NOL4: variants seen among roughly 807,000 people sequenced by gnomAD.
NOL4 encodes the protein cancer/testis antigen 125.
In NOL4, 17 loss-of-function variants were observed where a neutral mutation model predicts 75.9. The ratio of observed to expected loss-of-function variants is 0.22; its 90% CI spans 0.15 to 0.34. The LOEUF (loss-of-function observed/expected upper bound fraction) is 0.34. NOL4 is among the 10% of genes least tolerant of loss of function. NOL4 has a pLI of 1.00. For missense variants in NOL4, 614 were observed against 793.5 expected, an observed-to-expected ratio of 0.77 and a Z score of 2.72; for synonymous variants, 292 against 289.9, an observed-to-expected ratio of 1.01 and a Z score of -0.07.
chr18:34,210,193 A>T (rs1376873972), intron 1 of NOL4, among the ~76,000 whole-genome samples: 2 of 152,212 alleles, frequency 1.3e-5, no homozygotes, highest in Non-Finnish European at 2.9e-5. Flanking sequence ...TTTAAGTATG[A>T]GTCATTAAGC....
intron 1 of NOL4, among the ~76,000 whole-genome samples, chr18:34,141,130 A>C (rs543142983): frequency 1.3e-5 from 2 of 151,596 alleles, no homozygotes; most frequent in Non-Finnish European, 2.9e-5. Context: ...TTACAAGGGA[A>C]GTGAAGGACC....
Position 33,874,863 on chromosome 18 carries a change from T to C in NOL4, c.1723+8381A>G, listed in dbSNP as rs1265999746. 2.0e-5 allele frequency among the ~76,000 whole-genome samples: 3 copies of C among 152,110 alleles called. No individual in the cohort carries two copies. The East Asian group carries it at 5.8e-4, about 29-fold the overall frequency. On this transcript the variant is annotated intron_variant, in intron 10 of 10. Transcript: ENST00000261592. ...TGATGGTGAATCTTATGGCCAAGTTTCCTTAGGCTCATAACTAAAGGACCT... is the reference window on the plus strand; with the variant it reads ...TGATGGTGAATCTTATGGCCAAGTTCCCTTAGGCTCATAACTAAAGGACCT...
At chr18:34,043,231 T>C (rs2076215145) in intron 5 of NOL4, among the ~76,000 whole-genome samples, 1 of 152,102 alleles carries the variant, frequency 6.6e-6, no homozygotes, top group Non-Finnish European at 1.5e-5. Flanking sequence ...TAAATGCTCA[T>C]TGAATGAATG....
intron 5 of NOL4, among the ~76,000 whole-genome samples, chr18:34,083,315 T>C (rs538154917): frequency 3.8e-4 from 58 of 152,302 alleles, no homozygotes; most frequent in African/African-American, 1.3e-3. Flanking sequence ...CAACTCTGAA[T>C]GACTCTCGCA....
Position 34,063,029 on chromosome 18 carries a change from C to A in NOL4, c.772+30436G>T, listed in dbSNP as rs534496197. On this transcript the variant is annotated intron_variant, in intron 5 of 10. Transcript: ENST00000261592. ...ATTGTCTTTTCTATTAGCATTGAACCCTTGCTTCTGAAAAGGTAGAGAAGA... is the reference window on the plus strand; with the variant it reads ...ATTGTCTTTTCTATTAGCATTGAACACTTGCTTCTGAAAAGGTAGAGAAGA... Among the ~76,000 whole-genome samples the A allele has an allele frequency of 8.2e-4, 125 of 152,044 alleles. 3 individuals are homozygous for A. In the South Asian group the frequency reaches 0.018, roughly 22 times the overall value.
intron 6 of NOL4, among the ~76,000 whole-genome samples, chr18:33,993,592 G>A (rs968189291): frequency 4.0e-5 from 6 of 151,718 alleles, no homozygotes; most frequent in East Asian, 1.9e-4. Flanking sequence ...AGTATGGCCC[G>A]TATACTGGAA....
chr18:33,932,164 T>C (rs1224559294), intron 9 of NOL4, among the ~76,000 whole-genome samples: 1 of 152,088 alleles, frequency 6.6e-6, no homozygotes, highest in African/African-American at 2.4e-5. Context: ...ACATATTATT[T>C]TATTACATAT....
chr18:34,155,029 C>T (rs925078926), intron 1 of NOL4, among the ~76,000 whole-genome samples: 9 of 151,874 alleles, frequency 5.9e-5, no homozygotes, highest in South Asian at 4.2e-4. Context: ...AGTCTGAATA[C>T]GAATCTTTTG....
At chr18:34,104,014 T>G (rs1379707418) in intron 4 of NOL4, 33 bp downstream of exon 4, 1 of 1,417,324 alleles carries the variant, frequency 7.1e-7, no homozygotes, top group East Asian at 2.3e-5. Context: ...TTCCAATTTG[T>G]AAGTAATACA....
intron 2 of NOL4, among the ~76,000 whole-genome samples, chr18:34,125,130 A>G (rs1600670199): frequency 1.3e-5 from 2 of 152,306 alleles, no homozygotes; most frequent in South Asian, 4.1e-4. Flanking sequence ...TTTGAATTTT[A>G]TATAAAAATA....
chr18:33,920,899 C>T (rs987788230), intron 9 of NOL4, among the ~76,000 whole-genome samples: 4 of 152,188 alleles, frequency 2.6e-5, no homozygotes, highest in Non-Finnish European at 5.9e-5. Flanking sequence ...GCCAGCTGGA[C>T]ATCATTGGCG....
chr18:34,112,852 T>G (rs1431325063), intron 2 of NOL4, among the ~76,000 whole-genome samples: 2 of 152,188 alleles, frequency 1.3e-5, no homozygotes, highest in African/African-American at 4.8e-5. Context: ...AAATCTCAAG[T>G]GTTACCACAT....
In NOL4 at chr18:33,919,381, T is replaced by G. The variant is rs376193543; in HGVS notation, c.1542+23684A>C. ...GGAATTTGAACCCAGGCAGCCCTGG[T>G]GTTTACCCCCTGAGCCTTGAACAGG... is the stretch of plus-strand genomic sequence containing the variant. On this transcript the variant is annotated intron_variant, in intron 9 of 10. Transcript: ENST00000261592. Among the ~76,000 whole-genome samples the G allele has an allele frequency of 1.5e-3, 223 of 152,280 alleles. 1 individual carries two copies. Among genetic ancestry groups the G allele is most frequent in the African/African-American group, 5.2e-3 (215 of 41,560 alleles).
At chr18:34,007,852 A>G (rs2074125871) in intron 6 of NOL4, among the ~76,000 whole-genome samples, 1 of 151,828 alleles carries the variant, frequency 6.6e-6, no homozygotes, top group Non-Finnish European at 1.5e-5. Flanking sequence ...GAGATTCAGT[A>G]TGGTTTAAGA....
At chr18:33,885,063 T>A (rs922372659) in intron 9 of NOL4, among the ~76,000 whole-genome samples, 1 of 151,930 alleles carries the variant, frequency 6.6e-6, no homozygotes, top group African/African-American at 2.4e-5. Flanking sequence ...CAAAGCAAAT[T>A]GAAGTAAAAA....
intron 8 of NOL4, among the ~76,000 whole-genome samples, chr18:33,947,859 C>A (rs750748786): frequency 6.6e-6 from 1 of 151,756 alleles, no homozygotes; most frequent in Admixed American, 6.6e-5. Context: ...TCACATGGAG[C>A]TTTTGGAGTT....
chr18:34,137,269 A>G (rs1205112409), intron 1 of NOL4, among the ~76,000 whole-genome samples: 1 of 152,150 alleles, frequency 6.6e-6, no homozygotes, highest in African/African-American at 2.4e-5. Flanking sequence ...TAAAAGCAAC[A>G]AAAGGAAAAA....
At chr18:34,138,427 C>A (rs1453468791) in intron 1 of NOL4, among the ~76,000 whole-genome samples, 2 of 151,806 alleles carry the variant, frequency 1.3e-5, no homozygotes, top group Non-Finnish European at 2.9e-5. Flanking sequence ...AAAATAATGA[C>A]AGTAGTTTAT....
rs1051601813 is a variant in NOL4, at chr18:33,958,351, T to C, written c.1124A>G (p.Asp375Gly). 4 of 1,585,276 alleles carry C rather than the reference T, an allele frequency of 2.5e-6. No individual in the cohort carries two copies. The highest frequency in any genetic ancestry group is 3.4e-6 in the Non-Finnish European group (4 of 1,164,578). Residue 375 changes from aspartate (D) to glycine (G), a missense_variant, in exon 7 of 11, where the codon GAC becomes GGC. Physicochemically the swap from Asp to Gly is moderately conservative, Grantham distance 94. Transcript: ENST00000261592. ...KNESVDRGAEDLSLNRGDEDE... is the reference protein window; with the variant it reads ...KNESVDRGAEGLSLNRGDEDE... ...CTCATCTCCCCTGTTTAGTGAGAGG[T>C]CCTCAGCTCCTCGGTCTACACTCTC...
Sources: gnomAD v4.1 joint callset for allele counts (sites outside exome capture counted in the v4.1 genomes callset) on GRCh38, gnomAD v4.1.1 for gene constraint, MANE v1.5 for transcripts, NCBI Gene and HGNC (gene_info 2026-07-23, HGNC 2026-07-21) for gene names.